Variants in ST14 observed in about 807,000 individuals in gnomAD.
ST14 encodes the protein ST14 transmembrane serine protease matriptase.
ST14 carries 40 observed loss-of-function variants against 96.5 expected under a neutral mutation model. That is an observed-to-expected ratio of 0.41 (90% CI 0.32 to 0.54). The LOEUF (loss-of-function observed/expected upper bound fraction) is 0.54. ST14 is among the 20% of genes least tolerant of loss of function. ST14 has a pLI of 0.17. For synonymous variants in ST14, 506 were observed against 492.1 expected (o/e 1.03, Z -0.37); for missense variants, 1,066 against 1,188.9 (o/e 0.90, Z 1.52).
rs1953189668 is a variant in ST14 at position 130,181,216 on chromosome 11, G to T, written c.82-6898G>T. Among the ~76,000 whole-genome samples, 1 of 152,148 alleles carries T rather than the reference G, an allele frequency of 6.6e-6. No individual in the cohort carries two copies. Among genetic ancestry groups the T allele is most frequent in the South Asian group, 2.1e-4 (1 of 4,822 alleles). ...GGGATGGTGGTCTGATCTCGCCCCT[G>T]CTGGGTGAGATAGTGGTGGTCCCTG... On this transcript the variant is annotated intron_variant, in intron 1 of 18. Transcript: ENST00000278742. This position sits in a 1 kb window ranked among gnomAD's most constrained non-coding sequence, Gnocchi z 4.1.
At chr11:130,169,117 G>C (rs1233884368) in intron 1 of ST14, among the ~76,000 whole-genome samples, 4 of 97,624 alleles carry the variant, frequency 4.1e-5, no homozygotes, top group African/African-American at 2.2e-4. Flanking sequence ...TTTTTTTTGA[G>C]ACAGAGTCCT....
At chr11:130,175,800 A>C (rs1286990714) in intron 1 of ST14, among the ~76,000 whole-genome samples, 1 of 151,792 alleles carries the variant, frequency 6.6e-6, no homozygotes, top group African/African-American at 2.4e-5. Context: ...AGTAGCTGGG[A>C]CTACAGGCGT....
chr11:130,194,885 T>A (rs1340638476), intron 9 of ST14, 148 bp downstream of exon 9: 11 of 807,432 alleles, frequency 1.4e-5, no homozygotes, highest in Non-Finnish European at 6.1e-6. Context: ...TGCGTATGTG[T>A]GTGTGTGAGA....
chr11:130,188,271 A>T lies in ST14; in HGVS notation c.239A>T (p.Gln80Leu), dbSNP rs753019196. 6.2e-7 allele frequency: 1 copy of T among 1,612,986 alleles called. No homozygotes were observed. The part of the protein sequence containing the change: ...LGIGFLVWHL[Q>L]YRDVRVQKVF... The stretch of plus-strand genomic sequence containing the variant: ...ATCGGCTTCCTGGTGTGGCATTTGC[A>T]GTGTGAGTAAAGCTGGGGCTGGCTC... Residue 80 changes from glutamine (Q) to leucine (L), a missense_variant and splice_region_variant, in exon 2 of 19, where the codon CAG (glutamine) becomes CTG (leucine). Physicochemically the swap from Gln to Leu is moderately radical, Grantham distance 113. Transcript: ENST00000278742. This position sits in a 1 kb window ranked among gnomAD's most constrained non-coding sequence, Gnocchi z 5.4.
intron 1 of ST14, among the ~76,000 whole-genome samples, chr11:130,165,362 T>C (rs1402489770): frequency 6.6e-6 from 1 of 152,236 alleles, no homozygotes; most frequent in Non-Finnish European, 1.5e-5. Context: ...TACAGAATTC[T>C]CAGAGTTCTT....
At chr11:130,176,309 G>T (rs1238269536) in intron 1 of ST14, among the ~76,000 whole-genome samples, 1 of 151,642 alleles carries the variant, frequency 6.6e-6, no homozygotes, top group Non-Finnish European at 1.5e-5. Context: ...TCTCTGCAGG[G>T]GGTTCCCTTG....
chr11:130,188,100 C>A lies in ST14; in HGVS notation c.82-14C>A, dbSNP rs955201803. The A allele has an allele frequency of 2.5e-6, 4 of 1,613,834 alleles. No individual in the cohort carries two copies. The African/African-American group carries it at 5.3e-5, about 22-fold the overall frequency. On this transcript the variant is annotated splice_polypyrimidine_tract_variant and intron_variant, in intron 1 of 18. Transcript: ENST00000278742. This position sits in a 1 kb window ranked among gnomAD's most constrained non-coding sequence, Gnocchi z 5.4. ...GGTGAGAGGGTCTGAGTGGTGGCGC[C>A]TCTCTCCCTGCAGAAAGTGAATGGC...
intron 1 of ST14, among the ~76,000 whole-genome samples, 158 bp downstream of exon 1, chr11:130,160,218 G>T (rs996150495): frequency 1.3e-5 from 2 of 151,940 alleles, no homozygotes; most frequent in Non-Finnish European, 2.9e-5. Flanking sequence ...CGGGCCGCGG[G>T]CGGGCGGGGC....
At chr11:130,207,587 C>T (rs1953501633) in intron 16 of ST14, among the ~76,000 whole-genome samples, 1 of 152,104 alleles carries the variant, frequency 6.6e-6, no homozygotes, top group African/African-American at 2.4e-5. Flanking sequence ...AACCATGAAC[C>T]TTTCCTGATA....
intron 16 of ST14, among the ~76,000 whole-genome samples, chr11:130,205,679 C>T (rs1311540598): frequency 1.3e-5 from 2 of 149,926 alleles, no homozygotes; most frequent in Admixed American, 6.7e-5. Context: ...CAATCATGCC[C>T]ATCATGTTCT....
At position 130,190,651 on chromosome 11, in the gene ST14, G is replaced by A. The variant is rs762904867; in HGVS notation, c.832G>A (p.Val278Met). 6.2e-7 allele frequency: 1 copy of A among 1,605,902 alleles called. No individual in the cohort carries two copies. The highest frequency in any genetic ancestry group is 2.3e-5 in the East Asian group (1 of 44,324). The change falls in exon 7 of 19, where the codon GTG (valine) becomes ATG (methionine). Residue 278 changes from valine to methionine, a missense_variant. Coordinates refer to ENST00000278742, the MANE Select transcript of ST14 (RefSeq NM_021978.4). ...CGAGCGCGGCAGCGACCTGGTGACGGTGTACAACACCCTGAGCCCCATGGA... is the reference window on the plus strand; with the variant it reads ...CGAGCGCGGCAGCGACCTGGTGACGATGTACAACACCCTGAGCCCCATGGA... ...CDERGSDLVT[V>M]YNTLSPMEPH...
Position 130,188,704 on chromosome 11 carries a change from TC to T in ST14, c.369+50del, listed in dbSNP as rs1953264062. ...TCCTGCTGGGCTGTGTGCGCTGGTG[TC>T]CCACCTGCTGGGCAGGAGGGACATG... is the stretch of plus-strand genomic sequence containing the variant. On this transcript the variant is annotated intron_variant, in intron 3 of 18. Coordinates refer to ENST00000278742, the MANE Select transcript of ST14 (RefSeq NM_021978.4). The surrounding 1 kb of genome is among the most constrained non-coding windows in gnomAD (Gnocchi z 5.4). The T allele has an allele frequency of 6.2e-7, 1 of 1,613,640 alleles. No homozygotes were observed. Among genetic ancestry groups the T allele is most frequent in the African/African-American group, 1.3e-5 (1 of 74,886 alleles).
chr11:130,198,046 T>C (rs1489685207), intron 12 of ST14, 101 bp downstream of exon 12: 6 of 1,279,550 alleles, frequency 4.7e-6, no homozygotes, highest in Non-Finnish European at 6.6e-6. Context: ...AGGCCGGAGG[T>C]GGTGGGAGTT....
Position 130,208,501 on chromosome 11 carries a change from C to A in ST14, c.2086C>A (p.Arg696Ser). The change falls in exon 17 of 19, where the codon CGC becomes AGC. Residue 696 changes from arginine (R) to serine (S), a missense_variant. Transcript: ENST00000278742. ...TGGGGTGCAGGAGCGCAGGCTCAAGCGCATCATCTCCCACCCCTTCTTCAA... is the reference window on the plus strand; with the variant it reads ...TGGGGTGCAGGAGCGCAGGCTCAAGAGCATCATCTCCCACCCCTTCTTCAA... ...APGVQERRLK[R>S]IISHPFFNDF... is the part of the protein sequence containing the mutation. 1 of 1,614,224 alleles carries A rather than the reference C, an allele frequency of 6.2e-7. No homozygotes were observed. The highest frequency in any genetic ancestry group is 1.1e-5 in the South Asian group (1 of 91,090).
In ST14 at chr11:130,189,721, C is replaced by T. The variant is rs1953274687; in HGVS notation, c.441-18C>T. On this transcript the variant is annotated intron_variant, in intron 4 of 18. Coordinates refer to ENST00000278742, the MANE Select transcript of ST14 (RefSeq NM_021978.4). Reference sequence around the variant, plus strand: ...ATGGGGCCCAGAGCTCCGCCTCAGGCTCCCGCTCTCTCCCCAGCGAGGGCA... The same window carrying T: ...ATGGGGCCCAGAGCTCCGCCTCAGGTTCCCGCTCTCTCCCCAGCGAGGGCA... 6.2e-7 allele frequency: 1 copy of T among 1,608,980 alleles called. No homozygotes were observed. The highest frequency in any genetic ancestry group is 1.3e-5 in the African/African-American group (1 of 74,950).
At chr11:130,208,319 C>G (rs1953508960) in intron 16 of ST14, 91 bp from the exon 17 acceptor site, 8 of 1,572,310 alleles carry the variant, frequency 5.1e-6, no homozygotes, top group Non-Finnish European at 7.0e-6. Context: ...GTGCCTCATC[C>G]ATGCGGAATC....
rs185949155 is a variant in ST14, at chr11:130,177,096, C to T, written c.82-11018C>T. ...TACAGGCATGAGCCACCGTGCCTGG[C>T]GGGGCTTAACATTTTTAGGGTCCTC... is the stretch of plus-strand genomic sequence containing the variant. On this transcript the variant is annotated intron_variant, in intron 1 of 18. Transcript: ENST00000278742. Among the ~76,000 whole-genome samples the T allele has an allele frequency of 3.8e-4, 58 of 151,558 alleles. No individual in the cohort carries two copies. The East Asian group carries it at 9.1e-3, about 24-fold the overall frequency.
intron 1 of ST14, among the ~76,000 whole-genome samples, chr11:130,182,528 C>T (rs73585192): frequency 0.065 from 9,894 of 152,130 alleles, 1,049 homozygotes; most frequent in African/African-American, 0.22. Context: ...TCACTGAGCC[C>T]TTTGAATTGG....
intron 16 of ST14, among the ~76,000 whole-genome samples, chr11:130,207,231 C>T (rs537423861): frequency 6.6e-6 from 1 of 152,258 alleles, no homozygotes; most frequent in East Asian, 1.9e-4. Context: ...CTGCTGGAGA[C>T]AGTATTGGTT....
Sources: allele counts gnomAD v4.1 joint callset (sites outside exome capture counted in the v4.1 genomes callset), GRCh38; gene constraint gnomAD v4.1.1; non-coding constraint Gnocchi (gnomAD v3.1); transcripts MANE v1.5; gene names NCBI Gene and HGNC (gene_info 2026-07-23, HGNC 2026-07-21).